Variants in PCDHA7 observed in about 807,000 individuals in gnomAD.
The protein encoded by PCDHA7 is protocadherin alpha 7, also known as protocadherin alpha-7.
A neutral mutation model predicts 57.2 loss-of-function variants in PCDHA7; 37 were observed. The ratio of observed to expected loss-of-function variants is 0.65; its 90% CI spans 0.50 to 0.85. The LOEUF (loss-of-function observed/expected upper bound fraction) is 0.85, where lower values mean the gene tolerates loss of function less well. Ranked by LOEUF, PCDHA7 falls within the 40% of genes least tolerant of loss-of-function variation. The probability of loss-of-function intolerance (pLI) is 0.00; values close to 1 mark genes in which losing one functional copy is unlikely to be tolerated. For missense variants in PCDHA7, 1,188 were observed against 1,241.8 expected, an observed-to-expected ratio of 0.96 and a Z score of 0.65; for synonymous variants, 553 against 558.8, an observed-to-expected ratio of 0.99 and a Z score of 0.15.
intron 1 of PCDHA7, among the ~76,000 whole-genome samples, chr5:140,900,355 G>A (rs555553636): frequency 1.4e-4 from 21 of 152,070 alleles, no homozygotes; most frequent in East Asian, 3.9e-4. Flanking sequence ...TTGGCTCACC[G>A]CAACCTCTGC....
rs75101825 is a variant in PCDHA7, at chr5:140,914,430, C to A, written c.2356-64519C>A. On this transcript the variant is annotated intron_variant, in intron 1 of 3. Coordinates refer to ENST00000525929, the MANE Select transcript of PCDHA7 (RefSeq NM_018910.3). ...TTTTGTTTCCATTAGCAAGGAATAT[C>A]TTTTCCCATGTCTTTATTTTCCAGT... Among the ~76,000 whole-genome samples the A allele has an allele frequency of 8.0e-3, 1,215 of 152,204 alleles. 6 individuals carry two copies. Among genetic ancestry groups the A allele is most frequent in the African/African-American group, 0.019 (784 of 41,536 alleles).
intron 1 of PCDHA7, among the ~76,000 whole-genome samples, chr5:140,955,276 T>A (rs1485560412): frequency 6.6e-6 from 1 of 152,120 alleles, no homozygotes; most frequent in Non-Finnish European, 1.5e-5. Flanking sequence ...TTTGGTTCCA[T>A]ATTGATATGG....
intron 1 of PCDHA7, chr5:140,850,587 G>C: frequency 1.3e-6 from 2 of 1,598,490 alleles, no homozygotes; most frequent in Non-Finnish European, 1.7e-6. Flanking sequence ...GGATGTCAAC[G>C]TGTACCTGAT....
At chr5:140,914,079 A>G (rs2076595090) in intron 1 of PCDHA7, among the ~76,000 whole-genome samples, 1 of 152,164 alleles carries the variant, frequency 6.6e-6, no homozygotes, top group South Asian at 2.1e-4. Context: ...ATAACTATCT[A>G]TTAGGTCAAT....
intron 1 of PCDHA7, among the ~76,000 whole-genome samples, chr5:140,898,748 G>A (rs1397892217): frequency 1.1e-4 from 16 of 152,222 alleles, no homozygotes; most frequent in African/African-American, 3.9e-4. Context: ...TAGCTTGATG[G>A]GGATGGCATT....
chr5:140,869,758 A>AAACC, intron 1 of PCDHA7: 1 of 1,613,288 alleles, frequency 6.2e-7, no homozygotes, highest in Non-Finnish European at 8.5e-7. Context: ...AGACGGGGGA[A>AAACC]AACCAGAGCT....
intron 1 of PCDHA7, among the ~76,000 whole-genome samples, chr5:140,976,568 TA>T (rs2096723296): frequency 6.6e-6 from 1 of 152,050 alleles, no homozygotes; most frequent in Non-Finnish European, 1.5e-5. Context: ...AATAAATAAA[TA>T]TAAATAAAAC....
At chr5:140,843,511 C>A (rs2150361432) in intron 1 of PCDHA7, 3 of 1,595,670 alleles carry the variant, frequency 1.9e-6, no homozygotes, top group East Asian at 2.2e-5. Context: ...CCACTGAGGG[C>A]GGGTGCCGGG....
intron 1 of PCDHA7, among the ~76,000 whole-genome samples, chr5:140,921,713 A>T (rs1247257514): frequency 2.0e-5 from 3 of 152,174 alleles, no homozygotes; most frequent in Non-Finnish European, 4.4e-5. Flanking sequence ...CAGTAAACAC[A>T]CGAATTACTC....
intron 1 of PCDHA7, chr5:140,867,574 C>T (rs1581813828): frequency 6.6e-6 from 1 of 152,044 alleles, no homozygotes; most frequent in East Asian, 1.9e-4. Context: ...TTCATATGCC[C>T]TTGCAGTATT....
chr5:140,876,454 C>A, intron 1 of PCDHA7: 2 of 1,613,996 alleles, frequency 1.2e-6, no homozygotes, highest in Non-Finnish European at 1.7e-6. Context: ...TAAAGGGATT[C>A]CTTCCATGGC....
intron 1 of PCDHA7, among the ~76,000 whole-genome samples, chr5:140,892,835 A>G (rs2063695508): frequency 6.6e-6 from 1 of 152,200 alleles, no homozygotes. Context: ...ACAGTGCTGC[A>G]AAACACCACA....
At chr5:140,893,104 T>A (rs2063818844) in intron 1 of PCDHA7, among the ~76,000 whole-genome samples, 1 of 152,224 alleles carries the variant, frequency 6.6e-6, no homozygotes, top group South Asian at 2.1e-4. Flanking sequence ...TGGATAATAT[T>A]CCGTTGTGCA....
At position 140,856,167 on chromosome 5, in the gene PCDHA7, A is replaced by T. The variant is rs141221498; in HGVS notation, c.2355+19429A>T. ...TACTCAGTCTACGAGGAGGCCAGAC[A>T]CGGCACCTTCGTGGGCCGCATCGCG... is the stretch of plus-strand genomic sequence containing the variant. On this transcript the variant is annotated intron_variant, in intron 1 of 3. Coordinates refer to ENST00000525929, the MANE Select transcript of PCDHA7 (RefSeq NM_018910.3). 4.0e-5 allele frequency: 64 copies of T among 1,598,222 alleles called. 4 individuals carry two copies. The African/African-American group carries it at 8.5e-4, about 21-fold the overall frequency.
At chr5:140,930,644 A>G (rs1346561903) in intron 1 of PCDHA7, among the ~76,000 whole-genome samples, 1 of 152,198 alleles carries the variant, frequency 6.6e-6, no homozygotes, top group East Asian at 1.9e-4. Context: ...AGGAAGGAAA[A>G]TGAAGCATTC....
At chr5:140,989,723 G>A (rs2097356372) in intron 3 of PCDHA7, among the ~76,000 whole-genome samples, 1 of 152,180 alleles carries the variant, frequency 6.6e-6, no homozygotes, top group African/African-American at 2.4e-5. Flanking sequence ...CAGCTTTGCA[G>A]TTGAAAAGGC....
intron 1 of PCDHA7, chr5:140,928,160 C>T (rs782224079): frequency 1.2e-6 from 2 of 1,614,094 alleles, no homozygotes; most frequent in Non-Finnish European, 1.7e-6. Context: ...AGTGGCTCAC[C>T]CCCACTTAGC....
Position 140,882,762 on chromosome 5 carries a change from A to G in PCDHA7, c.2355+46024A>G, listed in dbSNP as rs2059298878. 1.9e-6 allele frequency: 3 copies of G among 1,614,200 alleles called. No individual in the cohort carries two copies. The East Asian group carries it at 6.7e-5, about 36-fold the overall frequency. On this transcript the variant is annotated intron_variant, in intron 1 of 3. Transcript: ENST00000525929. ...GCATCCGATGCAGATATTGGAGTAA[A>G]CTCGGCATTGACCTACCGACTGGAT... is the stretch of plus-strand genomic sequence containing the variant.
chr5:140,891,055 G>A (rs2062932146), intron 1 of PCDHA7, among the ~76,000 whole-genome samples: 1 of 152,142 alleles, frequency 6.6e-6, no homozygotes, highest in Admixed American at 6.5e-5. Context: ...ACAGCACATA[G>A]TAAATATTAT....
Sources: gnomAD v4.1 joint callset for allele counts (sites outside exome capture counted in the v4.1 genomes callset) on GRCh38, gnomAD v4.1.1 for gene constraint, MANE v1.5 for transcripts, NCBI Gene and HGNC (gene_info 2026-07-23, HGNC 2026-07-21) for gene names.